Variants in DTHD1 observed in about 807,000 individuals in gnomAD.
The protein encoded by DTHD1 is death domain containing 1.
DTHD1 carries 59 observed loss-of-function variants against 74.8 expected under a neutral mutation model. The observed-to-expected ratio is 0.79, with a 90% CI of 0.64 to 0.98. DTHD1 has a LOEUF of 0.98. Ranked by LOEUF, DTHD1 falls within the 50% of genes least tolerant of loss-of-function variation. DTHD1 has a pLI of 0.00. For missense variants in DTHD1, 1,051 were observed against 1,065.4 expected (o/e 0.99, Z 0.19); for synonymous variants, 365 against 371.1 (o/e 0.98, Z 0.19).
At chr4:36,284,678 C>A (rs1755601425) in intron 2 of DTHD1, 87 bp downstream of exon 2, 1 of 1,028,220 alleles carries the variant, frequency 9.7e-7, no homozygotes, top group Non-Finnish European at 1.4e-6. Flanking sequence ...TTCATTCAGG[C>A]TGCTACAACA....
At chr4:36,304,666 C>T (rs1166278884) in intron 5 of DTHD1, among the ~76,000 whole-genome samples, 1 of 152,066 alleles carries the variant, frequency 6.6e-6, no homozygotes. Flanking sequence ...GTATTTTTCC[C>T]CAAAGATGTT....
intron 7 of DTHD1, chr4:36,311,855 C>CATTAT (rs1396137436): frequency 6.6e-6 from 1 of 152,124 alleles, no homozygotes; most frequent in Non-Finnish European, 1.5e-5. Flanking sequence ...AGAAAAAAAG[C>CATTAT]ATTATAGTAT....
At chr4:36,343,224 T>C (rs1312018041) in intron 9 of DTHD1, among the ~76,000 whole-genome samples, 1 of 152,192 alleles carries the variant, frequency 6.6e-6, no homozygotes, top group East Asian at 1.9e-4. Flanking sequence ...GAGCAGAGCG[T>C]AAAAACCATT....
chr4:36,336,816 A>G (rs770129188), intron 8 of DTHD1, among the ~76,000 whole-genome samples: 2 of 152,268 alleles, frequency 1.3e-5, no homozygotes, highest in African/African-American at 2.4e-5. Flanking sequence ...AAGAAAAATA[A>G]AAGTTTTACA....
intron 8 of DTHD1, among the ~76,000 whole-genome samples, chr4:36,321,656 C>G (rs1758043961): frequency 6.6e-6 from 1 of 152,140 alleles, no homozygotes; most frequent in Non-Finnish European, 1.5e-5. Flanking sequence ...CTGAATCATC[C>G]TGAAACCATC....
chr4:36,331,519 T>A (rs61796638), intron 8 of DTHD1, among the ~76,000 whole-genome samples: 42,335 of 152,106 alleles, frequency 0.28, 6,355 homozygotes, highest in South Asian at 0.4. Flanking sequence ...CTTAGTCTAT[T>A]GTTAATCCTA....
chr4:36,319,663 A>T (rs1157618288), intron 8 of DTHD1, among the ~76,000 whole-genome samples: 1 of 152,364 alleles, frequency 6.6e-6, no homozygotes, highest in East Asian at 1.9e-4. Context: ...GACGACAGAC[A>T]TGAAGTCCAA....
intron 8 of DTHD1, among the ~76,000 whole-genome samples, chr4:36,334,730 A>G (rs1264452716): frequency 1.3e-5 from 2 of 152,222 alleles, no homozygotes; most frequent in South Asian, 2.1e-4. Context: ...GGTGTAAGGC[A>G]TGTGTTTTTC....
intron 4 of DTHD1, among the ~76,000 whole-genome samples, chr4:36,294,082 T>C (rs1430343263): frequency 6.6e-6 from 1 of 151,918 alleles, no homozygotes; most frequent in Admixed American, 6.6e-5. Flanking sequence ...GGACAATCAA[T>C]TAAAATATTT....
Position 36,284,002 on chromosome 4 carries a change from A to G in DTHD1, c.298A>G (p.Ile100Val), listed in dbSNP as rs1270661695. The G allele has an allele frequency of 6.5e-7, 1 of 1,536,632 alleles. No homozygotes were observed. The highest frequency in any genetic ancestry group is 1.2e-5 in the South Asian group (1 of 84,028). ...AATCATTACTTTCATAGACTGCCTC[A>G]TAAAAATAACTGAACATTTGGGGAG... The part of the protein sequence containing the change: ...KEIITFIDCL[I>V]KITEHLGSTA... The change falls in exon 2 of 10, where the codon ATA (isoleucine) becomes GTA (valine). Residue 100 changes from isoleucine (I) to valine (V), a missense_variant. Ile to Val is a conservative substitution (Grantham distance 29). Coordinates refer to ENST00000639862, the MANE Select transcript of DTHD1 (RefSeq NM_001170700.3).
At chr4:36,333,457 C>T (rs1320460366) in intron 8 of DTHD1, 3 of 152,134 alleles carry the variant, frequency 2.0e-5, no homozygotes, top group African/African-American at 7.2e-5. Context: ...GGTAGGAAGC[C>T]ACTTCCTTTA....
rs957588476 is a variant in DTHD1, at chr4:36,344,805, AT to A, written c.*985del. On this transcript the variant is annotated 3_prime_UTR_variant, in exon 10 of 10. Coordinates refer to ENST00000639862, the MANE Select transcript of DTHD1 (RefSeq NM_001170700.3). The stretch of plus-strand genomic sequence containing the variant: ...TGTTCAGATAGTTGGGAGACTTAGA[AT>A]TTTATTTTTGGTTGACTCAGGCAAC... 3 of 152,132 alleles carry A rather than the reference AT, an allele frequency of 2.0e-5. No homozygotes were observed. Among genetic ancestry groups the A allele is most frequent in the Non-Finnish European group, 4.4e-5 (3 of 68,032 alleles). The allele number at this position is 152,132 out of a possible 1,614,324, so 9.4% of individuals were successfully genotyped here.
intron 3 of DTHD1, 72 bp downstream of exon 3, chr4:36,290,775 T>A (rs576679895): frequency 8.2e-7 from 1 of 1,221,202 alleles, no homozygotes; most frequent in East Asian, 2.6e-5. Flanking sequence ...GACTAACAGA[T>A]TGTAGTGTAG....
intron 5 of DTHD1, among the ~76,000 whole-genome samples, chr4:36,303,397 C>T (rs1480225076): frequency 6.6e-6 from 1 of 152,070 alleles, no homozygotes. Context: ...GAAAGCCAAT[C>T]CAAAGTGTTT....
chr4:36,290,337 A>G, intron 2 of DTHD1, 36 bp from the exon 3 acceptor site: 1 of 1,512,472 alleles, frequency 6.6e-7, no homozygotes, highest in Non-Finnish European at 8.9e-7. Flanking sequence ...CATAAATCAA[A>G]TAATTGGAAA....
rs371002938 is a variant in DTHD1, at chr4:36,316,426, C to T, written c.2280C>T (p.Leu760=). 41 of 1,551,772 alleles carry T rather than the reference C, an allele frequency of 2.6e-5. No homozygotes were observed. Among genetic ancestry groups the T allele is most frequent in the African/African-American group, 2.1e-4 (15 of 73,158 alleles). Residue 760 remains leucine (L), a synonymous_variant, in exon 8 of 10, where the codon CTC becomes CTT. Transcript: ENST00000639862. ...TAGTCCCCAACTTGAATCAATCTCTCGTAATTAATGAAAACCATTCTCAGT... is the reference window on the plus strand; with the variant it reads ...TAGTCCCCAACTTGAATCAATCTCTTGTAATTAATGAAAACCATTCTCAGT... ...GKIVPNLNQS[L]VINENHSQLP...
intron 6 of DTHD1, 101 bp from the exon 7 acceptor site, chr4:36,308,103 A>T: frequency 8.9e-7 from 1 of 1,119,948 alleles, no homozygotes. Context: ...ATTTTAAAAG[A>T]CGTCTGTTTG....
intron 6 of DTHD1, 53 bp downstream of exon 6, chr4:36,306,405 A>C: frequency 6.9e-7 from 1 of 1,452,260 alleles, no homozygotes; most frequent in Non-Finnish European, 9.2e-7. Context: ...GATGGTCATA[A>C]CTGGTGTTTA....
At chr4:36,317,840 A>C (rs1372041299) in intron 8 of DTHD1, among the ~76,000 whole-genome samples, 1 of 152,236 alleles carries the variant, frequency 6.6e-6, no homozygotes, top group African/African-American at 2.4e-5. Flanking sequence ...ATCTGTAACC[A>C]GTAGAAGTTT....
Sources: gnomAD v4.1 joint callset for allele counts (sites outside exome capture counted in the v4.1 genomes callset) on GRCh38, gnomAD v4.1.1 for gene constraint, MANE v1.5 for transcripts, NCBI Gene and HGNC (gene_info 2026-07-23, HGNC 2026-07-21) for gene names.